Variants in XPA observed in about 807,000 individuals in gnomAD.
The protein encoded by XPA is DNA repair protein complementing XP-A cells.
Under a neutral mutation model 35.7 loss-of-function variants are expected in XPA, and 27 were observed. That is an observed-to-expected ratio of 0.76 (90% CI 0.56 to 1.04). The LOEUF (loss-of-function observed/expected upper bound fraction) is 1.04, where lower values mean the gene tolerates loss of function less well. XPA is among the 50% of genes least tolerant of loss of function. The pLI is 0.00. For synonymous variants in XPA, 133 were observed against 118.4 expected, an observed-to-expected ratio of 1.12 and a Z score of -0.80; for missense variants, 354 against 342.7, an observed-to-expected ratio of 1.03 and a Z score of -0.26.
At chr9:97,689,495 T>C in intron 3 of XPA, 39 bp downstream of exon 3, 1 of 1,299,050 alleles carries the variant, frequency 7.7e-7, no homozygotes, top group Non-Finnish European at 1.1e-6. Context: ...AACCTACACA[T>C]AAACATTAGC....
chr9:97,670,626 A>G (rs143552518), downstream of XPA, among the ~76,000 whole-genome samples: 70 of 152,362 alleles, frequency 4.6e-4, 1 homozygote, highest in African/African-American at 1.5e-3. Context: ...CTCTAGTCCT[A>G]TAAGAATCTC....
chr9:97,658,561 G>T, the XPA span: 1 of 1,080,144 alleles, frequency 9.3e-7, no homozygotes, highest in South Asian at 1.3e-5. Context: ...TGGAGATCAT[G>T]ACTTTCCAGG....
the XPA span, among the ~76,000 whole-genome samples, chr9:97,667,361 T>G: frequency 4.6e-5 from 7 of 152,188 alleles, no homozygotes; most frequent in Non-Finnish European, 1.0e-4. Context: ...AACATGATAC[T>G]ACTATTCATT....
chr9:97,669,746 A>C, the XPA span: 1 of 1,350,694 alleles, frequency 7.4e-7, no homozygotes, highest in Non-Finnish European at 1.1e-6. Context: ...CACTATTCTC[A>C]GCCACAAAGA....
rs1564045325 is a variant in XPA at position 97,687,207 on chromosome 9, ATAT to A, written c.441_443del (p.Glu147_Tyr148delinsAsp). 1.2e-6 allele frequency: 2 copies of A among 1,611,310 alleles called. No individual in the cohort carries two copies. Among genetic ancestry groups the A allele is most frequent in the South Asian group, 2.2e-5 (2 of 90,278 alleles). On this transcript the variant is annotated inframe_deletion, in exon 4 of 6. Transcript: ENST00000375128. ...TTTCTAAATCACAGTCTTTCAGAAG[ATAT>A]TCTTGTTTTGCCTCTGTTTTGGTTA...
Position 97,675,029 on chromosome 9 carries a change from G to T in XPA, c.*410C>A, listed in dbSNP as rs1828307168. On this transcript the variant is annotated 3_prime_UTR_variant, in exon 6 of 6. Transcript: ENST00000375128. ...CTAAAAAACACATGACTAGAACCTG[G>T]GGTACAGTGGTGCACCACCATTGCT... is the stretch of plus-strand genomic sequence containing the variant. 1 of 529,306 alleles carries T rather than the reference G, an allele frequency of 1.9e-6. No homozygotes were observed. Among genetic ancestry groups the T allele is most frequent in the Admixed American group, 2.2e-5 (1 of 44,828 alleles). The allele number at this position is 529,306 out of a possible 1,614,324, so 32.8% of individuals were successfully genotyped here. A position where few individuals can be genotyped will look rare whatever the true frequency, so the allele number is the denominator to read the frequency against.
the XPA span, chr9:97,655,647 C>A: frequency 6.9e-7 from 1 of 1,455,998 alleles, no homozygotes; most frequent in Non-Finnish European, 9.5e-7. Context: ...AGTTTCTGTT[C>A]TAAATCCCAG....
At chr9:97,676,369 G>C (rs567155999) in intron 5 of XPA, among the ~76,000 whole-genome samples, 1 of 152,156 alleles carries the variant, frequency 6.6e-6, no homozygotes, top group African/African-American at 2.4e-5. Flanking sequence ...TGGGTTCTTT[G>C]AAAGCAACCA....
At chr9:97,657,900 C>CTT in the XPA span, among the ~76,000 whole-genome samples, 1 of 70,964 alleles carries the variant, frequency 1.4e-5, no homozygotes, top group Non-Finnish European at 2.8e-5. Context: ...CTCTCTCTCT[C>CTT]TCTCTCTATA....
chr9:97,659,573 A>G, the XPA span, among the ~76,000 whole-genome samples: 5 of 152,230 alleles, frequency 3.3e-5, no homozygotes, highest in African/African-American at 4.8e-5. Context: ...CAAGAGGTCA[A>G]GCTAGAATGA....
At chr9:97,661,955 G>T in the XPA span, 5 of 864,192 alleles carry the variant, frequency 5.8e-6, no homozygotes, top group Admixed American at 6.2e-5. Context: ...GTATAGATGT[G>T]AGCAACCATC....
At chr9:97,658,851 A>T in the XPA span, 11 of 824,210 alleles carry the variant, frequency 1.3e-5, no homozygotes, top group South Asian at 1.5e-4. Flanking sequence ...CTTGGGGTTT[A>T]TATTTCCTGT....
the XPA span, chr9:97,669,056 T>G: frequency 2.5e-5 from 36 of 1,414,076 alleles, no homozygotes; most frequent in Non-Finnish European, 3.2e-5. Flanking sequence ...TATTTTTCAT[T>G]GTAAAAGGAA....
At chr9:97,661,819 T>C in the XPA span, among the ~76,000 whole-genome samples, 1 of 148,456 alleles carries the variant, frequency 6.7e-6, no homozygotes, top group African/African-American at 2.5e-5. Flanking sequence ...GAATGGATGA[T>C]AGAATTAAGA....
intron 2 of XPA, among the ~76,000 whole-genome samples, chr9:97,693,066 T>A (rs2401598): frequency 0.12 from 17,213 of 142,482 alleles, 2,779 homozygotes; most frequent in African/African-American, 0.36. Context: ...TTTTTTTTTT[T>A]AATAAAAAGC....
chr9:97,685,115 C>T, intron 4 of XPA, 75 bp from the exon 5 acceptor site: 1 of 1,166,504 alleles, frequency 8.6e-7, no homozygotes, highest in Non-Finnish European at 1.3e-6. Context: ...CTGTCAAATC[C>T]AAAGGTACCA....
At chr9:97,686,296 A>G (rs1268702906) in intron 4 of XPA, among the ~76,000 whole-genome samples, 4 of 152,176 alleles carry the variant, frequency 2.6e-5, no homozygotes, top group Admixed American at 2.0e-4. Flanking sequence ...TGACTCAAAG[A>G]AACTGGCCTG....
At chr9:97,659,558 A>C in the XPA span, among the ~76,000 whole-genome samples, 1 of 152,236 alleles carries the variant, frequency 6.6e-6, no homozygotes, top group Non-Finnish European at 1.5e-5. Flanking sequence ...TGAGGAAATG[A>C]CTTCCAAGAG....
At chr9:97,654,876 A>G in the XPA span, 1 of 1,613,646 alleles carries the variant, frequency 6.2e-7, no homozygotes, top group Non-Finnish European at 8.5e-7. Flanking sequence ...TCCTAAATTC[A>G]CAGCTTGCAC....
Sources: allele counts gnomAD v4.1 joint callset (sites outside exome capture counted in the v4.1 genomes callset), GRCh38; gene constraint gnomAD v4.1.1; transcripts MANE v1.5; gene names NCBI Gene and HGNC (gene_info 2026-07-23, HGNC 2026-07-21).